Variants in TRPC6 observed in about 807,000 individuals in gnomAD.
TRPC6 encodes the protein short transient receptor potential channel 6.
In TRPC6, 55 loss-of-function variants were observed where a neutral mutation model predicts 90.7. That is an observed-to-expected ratio of 0.61 (90% CI 0.49 to 0.76). The LOEUF (loss-of-function observed/expected upper bound fraction) is 0.76. Ranked by LOEUF, TRPC6 falls within the 30% of genes least tolerant of loss-of-function variation. The pLI, the probability that TRPC6 is intolerant of heterozygous loss-of-function variation, is 0.00. For missense variants in TRPC6, 989 were observed against 1,122.7 expected (o/e 0.88, Z 1.70); for synonymous variants, 393 against 393.0 (o/e 1.00, Z 0.00).
In TRPC6 at chr11:101,476,439, T is replaced by C. The variant is rs200486728; in HGVS notation, c.1606A>G (p.Ile536Val). 7.4e-6 allele frequency: 12 copies of C among 1,613,978 alleles called. No homozygotes were observed. Among genetic ancestry groups the C allele is most frequent in the African/African-American group, 1.3e-5 (1 of 74,896 alleles). ...WNMLDFGMLA[I>V]FAASFIARFM... ...CTCGCAATGAATGATGCTGCGAAAA[T>C]TGCTAACATACCAAAATCAAGCATG... Residue 536 changes from isoleucine (I) to valine (V), a missense_variant, in exon 6 of 13, where the codon ATT becomes GTT. Around this residue, in one of 4 missense-constraint regions of TRPC6, gnomAD observed 486 missense variants for 591.9 expected, o/e 0.82. Coordinates refer to ENST00000344327, the MANE Select transcript of TRPC6 (RefSeq NM_004621.6).
chr11:101,464,971 T>A (rs1591524750), intron 10 of TRPC6, among the ~76,000 whole-genome samples: 1 of 152,218 alleles, frequency 6.6e-6, no homozygotes, highest in African/African-American at 2.4e-5. Context: ...TCAGGAACTC[T>A]TGTAAGGCAG....
chr11:101,475,391 T>G (rs577947097), intron 6 of TRPC6, among the ~76,000 whole-genome samples: 66 of 152,298 alleles, frequency 4.3e-4, no homozygotes, highest in African/African-American at 1.5e-3. Context: ...AATTAACATA[T>G]TCATCACCTC....
chr11:101,469,650 C>T, intron 9 of TRPC6, 149 bp from the exon 10 acceptor site: 1 of 577,486 alleles, frequency 1.7e-6, no homozygotes, highest in South Asian at 2.0e-5. Context: ...CAAGTGCTTG[C>T]TTAGACATTT....
In TRPC6 at chr11:101,582,647, T is replaced by G. The variant is rs780778169; in HGVS notation, c.170+687A>C. Among the ~76,000 whole-genome samples the G allele has an allele frequency of 1.4e-4, 22 of 152,054 alleles. No homozygotes were observed. The South Asian group carries it at 2.7e-3, about 19-fold the overall frequency. ...ACAAACGACCCGACGCCCTCACTTC[T>G]ATAGCCCGTGAGTCTCCCAGCCCCT... On this transcript the variant is annotated intron_variant, in intron 1 of 12. Coordinates refer to ENST00000344327, the MANE Select transcript of TRPC6 (RefSeq NM_004621.6).
intron 1 of TRPC6, among the ~76,000 whole-genome samples, chr11:101,575,708 A>T (rs1357606117): frequency 6.6e-6 from 1 of 152,180 alleles, no homozygotes; most frequent in African/African-American, 2.4e-5. Flanking sequence ...GTGAGATATA[A>T]AGCTTGACCT....
chr11:101,522,206 G>A (rs1438353892), intron 1 of TRPC6, among the ~76,000 whole-genome samples: 1 of 152,134 alleles, frequency 6.6e-6, no homozygotes, highest in African/African-American at 2.4e-5. Context: ...GAAAGGGCCT[G>A]GTAGGAGGTG....
chr11:101,495,572 G>C (rs1859921312), intron 2 of TRPC6, among the ~76,000 whole-genome samples: 1 of 149,440 alleles, frequency 6.7e-6, no homozygotes, highest in Non-Finnish European at 1.5e-5. Context: ...CCTGGCACAG[G>C]GTAGTGCAGA....
intron 1 of TRPC6, among the ~76,000 whole-genome samples, chr11:101,575,685 A>T (rs1489303061): frequency 2.0e-5 from 3 of 152,210 alleles, no homozygotes; most frequent in Non-Finnish European, 2.9e-5. Context: ...AGATTAATGA[A>T]TTAATGAAAG....
chr11:101,525,899 G>C (rs1002478508), intron 1 of TRPC6, among the ~76,000 whole-genome samples: 1 of 152,214 alleles, frequency 6.6e-6, no homozygotes, highest in African/African-American at 2.4e-5. Context: ...AGGAGGCATC[G>C]CCAGCAGGAA....
At chr11:101,453,147 C>A in intron 12 of TRPC6, 41 bp from the exon 13 acceptor site, 5 of 1,598,830 alleles carry the variant, frequency 3.1e-6, no homozygotes, top group Non-Finnish European at 3.4e-6. Flanking sequence ...TATAAATACG[C>A]AATGCGGAAA....
chr11:101,570,358 T>A (rs879217898), intron 1 of TRPC6, among the ~76,000 whole-genome samples: 1 of 152,026 alleles, frequency 6.6e-6, no homozygotes, highest in African/African-American at 2.4e-5. Flanking sequence ...CAATAACAAG[T>A]TCTGAAAATA....
chr11:101,560,712 A>T (rs1397565177), intron 1 of TRPC6, among the ~76,000 whole-genome samples: 2 of 152,152 alleles, frequency 1.3e-5, no homozygotes, highest in Non-Finnish European at 2.9e-5. Context: ...AGCAACCCGG[A>T]GTGCAGAGGA....
At position 101,525,841 on chromosome 11, in the gene TRPC6, G is replaced by A. The variant is rs2136786346; in HGVS notation, c.171-21043C>T. 2.6e-5 allele frequency among the ~76,000 whole-genome samples: 4 copies of A among 152,282 alleles called. 1 individual carries two copies. The South Asian group carries it at 8.3e-4, about 32-fold the overall frequency. Reference sequence around the variant, plus strand: ...TTGAGAGGATCAGGGTCAGGAAGCAGGATGACCAGGCAAGAGACTATGGCT... The same window carrying A: ...TTGAGAGGATCAGGGTCAGGAAGCAAGATGACCAGGCAAGAGACTATGGCT... On this transcript the variant is annotated intron_variant, in intron 1 of 12. Transcript: ENST00000344327.
rs1858816394 is a variant in TRPC6, at chr11:101,453,663, A to G, written c.2631T>C (p.Asp877=). 6.2e-7 allele frequency: 1 copy of G among 1,613,858 alleles called. No homozygotes were observed. The highest frequency in any genetic ancestry group is 8.5e-7 in the Non-Finnish European group (1 of 1,179,868). Residue 877 remains aspartate (D), a synonymous_variant, in exon 12 of 13, where the codon GAT becomes GAC. Transcript: ENST00000344327. ...VLQAQIDKES[D]EVNEGELKEI... ...CGTTCAACTCACCTTCGTTCACTTC[A>G]TCACTCTCCTTATCTATCTGGGCCT...
chr11:101,543,870 CA>C (rs1224923477), intron 1 of TRPC6, among the ~76,000 whole-genome samples: 1 of 152,006 alleles, frequency 6.6e-6, no homozygotes, highest in Non-Finnish European at 1.5e-5. Flanking sequence ...CAACAAAAGC[CA>C]AAAAACACAA....
At chr11:101,484,595 ATG>A (rs61160203) in intron 4 of TRPC6, among the ~76,000 whole-genome samples, 453 of 140,876 alleles carry the variant, frequency 3.2e-3, no homozygotes, top group Admixed American at 5.6e-3. Context: ...CTCTCATGCT[ATG>A]TGTGTGTGTG....
Position 101,504,692 on chromosome 11 carries a change from T to G in TRPC6, c.277A>C (p.Thr93Pro), listed in dbSNP as rs768539008. 1 of 1,597,072 alleles carries G rather than the reference T, an allele frequency of 6.3e-7. No individual in the cohort carries two copies. The highest frequency in any genetic ancestry group is 1.3e-5 in the African/African-American group (1 of 74,506). Reference protein sequence around the residue: ...GPAYMFSDRSTSLSIEEERFL... With the variant: ...GPAYMFSDRSPSLSIEEERFL... ...CGTTCCTCCTCTATAGATAGGCTTG[T>G]GGAGCGATCACTAAACATGTATGCT... Residue 93 changes from threonine (T) to proline (P), a missense_variant, in exon 2 of 13, where the codon ACA becomes CCA. Thr to Pro is a conservative substitution (Grantham distance 38, BLOSUM62 -1). Transcript: ENST00000344327.
chr11:101,476,211 G>A (rs1279446842), intron 6 of TRPC6, 90 bp downstream of exon 6: 9 of 1,058,250 alleles, frequency 8.5e-6, no homozygotes, highest in South Asian at 1.4e-5. Flanking sequence ...ACAATTTTAT[G>A]AGAATTGTGC....
At chr11:101,518,790 A>T (rs897623823) in intron 1 of TRPC6, among the ~76,000 whole-genome samples, 1 of 152,238 alleles carries the variant, frequency 6.6e-6, no homozygotes, top group East Asian at 1.9e-4. Flanking sequence ...AAGCAACCTA[A>T]GTGTCCATCA....
Sources: allele counts gnomAD v4.1 joint callset (sites outside exome capture counted in the v4.1 genomes callset), GRCh38; gene constraint gnomAD v4.1.1; regional missense constraint gnomAD v4.1.1; transcripts MANE v1.5; gene names NCBI Gene and HGNC (gene_info 2026-07-23, HGNC 2026-07-21).